The following ADARB2 variants were observed in gnomAD, a reference collection of about 807,000 sequenced individuals.
ADARB2 encodes the protein adenosine deaminase RNA specific B2 (inactive).
In ADARB2, 25 loss-of-function variants were observed where a neutral mutation model predicts 62.2. That is an observed-to-expected ratio of 0.40 (90% CI 0.29 to 0.56). The LOEUF (loss-of-function observed/expected upper bound fraction) is 0.56. ADARB2 is among the 20% of genes least tolerant of loss of function. The pLI, the probability that ADARB2 is intolerant of heterozygous loss-of-function variation, is 0.43. For synonymous variants in ADARB2, 572 were observed against 500.8 expected (o/e 1.14, Z -1.90); for missense variants, 1,071 against 1,077.4 (o/e 0.99, Z 0.08).
At chr10:1,279,977 C>T (rs916091993) in intron 3 of ADARB2, among the ~76,000 whole-genome samples, 1 of 152,122 alleles carries the variant, frequency 6.6e-6, no homozygotes, top group Non-Finnish European at 1.5e-5. Flanking sequence ...ACTTCTGGGG[C>T]TGTTGGGATG....
At chr10:1,241,521 C>T (rs150792713) in intron 5 of ADARB2, among the ~76,000 whole-genome samples, 9 of 152,212 alleles carry the variant, frequency 5.9e-5, no homozygotes, top group African/African-American at 1.9e-4. Flanking sequence ...GACTGAATGG[C>T]CCAGCCTGGG....
intron 1 of ADARB2, among the ~76,000 whole-genome samples, chr10:1,433,657 C>T (rs914610452): frequency 2.0e-5 from 3 of 152,052 alleles, no homozygotes; most frequent in Non-Finnish European, 4.4e-5. Flanking sequence ...TCTCCCAGGC[C>T]CACCTCCCAC....
intron 1 of ADARB2, among the ~76,000 whole-genome samples, chr10:1,514,928 A>C (rs535757941): frequency 6.6e-6 from 1 of 151,962 alleles, no homozygotes; most frequent in East Asian, 2.0e-4. Context: ...GCACTCTGTG[A>C]ATTCTCGTCA....
At chr10:1,408,293 T>C (rs1045522589) in intron 1 of ADARB2, among the ~76,000 whole-genome samples, 3 of 152,238 alleles carry the variant, frequency 2.0e-5, no homozygotes, top group African/African-American at 2.4e-5. Context: ...TCCCACAGCA[T>C]GGTCGACCAT....
intron 7 of ADARB2, among the ~76,000 whole-genome samples, chr10:1,215,164 C>G (rs929050669): frequency 6.6e-6 from 1 of 152,208 alleles, no homozygotes. Context: ...TGTGGACGGG[C>G]CAGGGCCCAG....
intron 2 of ADARB2, among the ~76,000 whole-genome samples, chr10:1,375,760 G>A (rs1258098875): frequency 6.6e-6 from 1 of 151,088 alleles, no homozygotes; most frequent in Non-Finnish European, 1.5e-5. Context: ...CCACACACAT[G>A]CACACACGCA....
chr10:1,389,377 T>A (rs1832549952), intron 1 of ADARB2, among the ~76,000 whole-genome samples: 1 of 152,232 alleles, frequency 6.6e-6, no homozygotes, highest in Admixed American at 6.5e-5. Flanking sequence ...ATGATATATT[T>A]ACAATCAAGA....
At chr10:1,555,649 T>C (rs1416149320) in intron 1 of ADARB2, among the ~76,000 whole-genome samples, 4 of 152,094 alleles carry the variant, frequency 2.6e-5, no homozygotes, top group Non-Finnish European at 5.9e-5. Context: ...TGAAAACATA[T>C]ATGGGCCGGG....
chr10:1,198,403 T>C (rs1836938880), intron 8 of ADARB2, among the ~76,000 whole-genome samples: 1 of 152,264 alleles, frequency 6.6e-6, no homozygotes, highest in African/African-American at 2.4e-5. Flanking sequence ...TCTCTCTCTC[T>C]TTCTTTTGGT....
intron 3 of ADARB2, among the ~76,000 whole-genome samples, chr10:1,317,079 C>A (rs528085383): frequency 3.3e-5 from 5 of 152,322 alleles, no homozygotes; most frequent in African/African-American, 7.2e-5. Flanking sequence ...AAAATAATTC[C>A]ATTTTTAGAA....
rs140568424 is a variant in ADARB2, at chr10:1,297,845, G to A, written c.1078-26776C>T. ...GGCTGGAGGGATGCAGCCGCAGCCC[G>A]GGGCAGAGGATCCCCAGCCATGGCT... On this transcript the variant is annotated intron_variant, in intron 3 of 9. Coordinates refer to ENST00000381312, the MANE Select transcript of ADARB2 (RefSeq NM_018702.4). 9.9e-5 allele frequency among the ~76,000 whole-genome samples: 15 copies of A among 152,216 alleles called. 1 individual carries two copies. Among genetic ancestry groups the A allele is most frequent in the East Asian group, 3.9e-4 (2 of 5,184 alleles).
At chr10:1,720,943 C>T (rs1431689698) in intron 1 of ADARB2, among the ~76,000 whole-genome samples, 1 of 152,202 alleles carries the variant, frequency 6.6e-6, no homozygotes, top group Non-Finnish European at 1.5e-5. Context: ...ACCTCCTCTC[C>T]CTGCACAAAG....
intron 1 of ADARB2, among the ~76,000 whole-genome samples, chr10:1,395,324 G>C (rs1832602052): frequency 1.3e-5 from 2 of 152,172 alleles, no homozygotes; most frequent in Non-Finnish European, 2.9e-5. Context: ...GTGAGCCAGG[G>C]ACCTTGGCCA....
At chr10:1,189,687 G>A (rs1267993674) in intron 8 of ADARB2, among the ~76,000 whole-genome samples, 1 of 151,974 alleles carries the variant, frequency 6.6e-6, no homozygotes, top group African/African-American at 2.4e-5. Context: ...AGATAACACA[G>A]CAGCACATAC....
At chr10:1,306,582 A>G (rs1831631736) in intron 3 of ADARB2, among the ~76,000 whole-genome samples, 2 of 150,524 alleles carry the variant, frequency 1.3e-5, no homozygotes, top group African/African-American at 2.4e-5. Flanking sequence ...ATGGAACCAA[A>G]AAAGAGCCCG....
intron 3 of ADARB2, among the ~76,000 whole-genome samples, chr10:1,355,491 T>C (rs1201564646): frequency 1.3e-5 from 2 of 152,232 alleles, no homozygotes; most frequent in Admixed American, 6.5e-5. Context: ...TTACTGTGCA[T>C]GTAAAGCACG....
intron 1 of ADARB2, among the ~76,000 whole-genome samples, chr10:1,576,988 C>T (rs1437682360): frequency 6.6e-6 from 1 of 152,134 alleles, no homozygotes; most frequent in East Asian, 1.9e-4. Context: ...AGGTTGCTGG[C>T]CCGGGGAGGC....
intron 3 of ADARB2, among the ~76,000 whole-genome samples, chr10:1,336,308 T>C (rs1176961177): frequency 6.6e-6 from 1 of 152,244 alleles, no homozygotes; most frequent in Admixed American, 6.5e-5. Flanking sequence ...TTTCCATATC[T>C]GTTTCTCTGG....
chr10:1,234,422 A>G (rs981165412), intron 5 of ADARB2, among the ~76,000 whole-genome samples: 1 of 152,078 alleles, frequency 6.6e-6, no homozygotes, highest in African/African-American at 2.4e-5. Flanking sequence ...CCGCCTTGAC[A>G]TTTACCTGTC....
Sources: gnomAD v4.1 joint callset for allele counts (sites outside exome capture counted in the v4.1 genomes callset) on GRCh38, gnomAD v4.1.1 for gene constraint, MANE v1.5 for transcripts, NCBI Gene and HGNC (gene_info 2026-07-23, HGNC 2026-07-21) for gene names.